EYA4: variants seen among roughly 807,000 people sequenced by gnomAD.
EYA4 encodes protein phosphatase EYA4.
EYA4 carries 31 observed loss-of-function variants against 87.9 expected under a neutral mutation model. That is an observed-to-expected ratio of 0.35 (90% CI 0.27 to 0.48). The LOEUF (loss-of-function observed/expected upper bound fraction) is 0.48, where lower values mean the gene tolerates loss of function less well. EYA4 is among the 20% of genes least tolerant of loss of function. The pLI, the probability that EYA4 is intolerant of heterozygous loss-of-function variation, is 0.99. For synonymous variants in EYA4, 263 were observed against 270.6 expected, an observed-to-expected ratio of 0.97 and a Z score of 0.28; for missense variants, 678 against 761.4, an observed-to-expected ratio of 0.89 and a Z score of 1.29.
intron 1 of EYA4, among the ~76,000 whole-genome samples, chr6:133,254,834 T>C (rs764032154): frequency 6.6e-6 from 1 of 152,192 alleles, no homozygotes; most frequent in Non-Finnish European, 1.5e-5. Context: ...AGTCATTTAC[T>C]CAGAACAAAA....
chr6:133,499,986 C>G (rs913915098), intron 13 of EYA4, among the ~76,000 whole-genome samples: 4 of 151,194 alleles, frequency 2.6e-5, no homozygotes, highest in African/African-American at 9.7e-5. Flanking sequence ...AGTATTTATT[C>G]AAAAGTAACA....
intron 1 of EYA4, among the ~76,000 whole-genome samples, chr6:133,259,623 T>G (rs1190439084): frequency 2.0e-5 from 3 of 152,172 alleles, no homozygotes; most frequent in Admixed American, 6.5e-5. Flanking sequence ...TGTCCCAAAT[T>G]TAAGGAAAGC....
At chr6:133,257,077 T>C (rs1487195801) in intron 1 of EYA4, among the ~76,000 whole-genome samples, 2 of 152,214 alleles carry the variant, frequency 1.3e-5, no homozygotes, top group East Asian at 3.8e-4. Flanking sequence ...ACTCTCTTGC[T>C]AACTTAAGTA....
chr6:133,277,518 AG>A (rs1777275705), intron 2 of EYA4, among the ~76,000 whole-genome samples: 1 of 152,242 alleles, frequency 6.6e-6, no homozygotes, highest in Non-Finnish European at 1.5e-5. Context: ...TGTCTTATGA[AG>A]TGCTTGCATA....
intron 2 of EYA4, among the ~76,000 whole-genome samples, chr6:133,371,947 T>C (rs1467929832): frequency 1.3e-5 from 2 of 152,160 alleles, no homozygotes; most frequent in Non-Finnish European, 2.9e-5. Context: ...GAATGAGACC[T>C]TCACTACAGA....
rs1796361441 is a variant in EYA4, at chr6:133,483,126, A to C, written c.1191+11A>C. 1 of 1,587,892 alleles carries C rather than the reference A, an allele frequency of 6.3e-7. No individual in the cohort carries two copies. The highest frequency in any genetic ancestry group is 1.3e-5 in the African/African-American group (1 of 74,396). On this transcript the variant is annotated intron_variant, in intron 13 of 19. Coordinates refer to ENST00000355286, the MANE Select transcript of EYA4 (RefSeq NM_004100.5). ...CAGAAGTATGGCAAGGTAAGAAATCAAGAAATGTTACTCCAAGAAATCTTG... is the reference window on the plus strand; with the variant it reads ...CAGAAGTATGGCAAGGTAAGAAATCCAGAAATGTTACTCCAAGAAATCTTG...
chr6:133,251,569 CGTT>C (rs1238531327), intron 1 of EYA4, among the ~76,000 whole-genome samples: 2 of 152,126 alleles, frequency 1.3e-5, no homozygotes, highest in African/African-American at 4.8e-5. Flanking sequence ...AAAATGATAA[CGTT>C]GTACCTGAAT....
intron 3 of EYA4, among the ~76,000 whole-genome samples, chr6:133,396,200 A>C (rs939712708): frequency 6.6e-6 from 1 of 152,174 alleles, no homozygotes; most frequent in African/African-American, 2.4e-5. Context: ...GCATTCTGTC[A>C]TGTGATTAAT....
chr6:133,510,637 T>G (rs574615481), intron 14 of EYA4: 1 of 225,364 alleles, frequency 4.4e-6, no homozygotes, highest in South Asian at 5.8e-5. Flanking sequence ...CTGCACTCCT[T>G]TCAGCCAATA....
In EYA4 at chr6:133,530,213, A is replaced by AAT; in HGVS notation, c.*1410_*1411dup. The AAT allele has an allele frequency of 1.0e-6, 1 of 985,436 alleles. No individual in the cohort carries two copies. Among genetic ancestry groups the AAT allele is most frequent in the Non-Finnish European group, 1.2e-6 (1 of 829,922 alleles). 61.0% of individuals were successfully genotyped at this position (985,436 alleles called of 1,614,324 possible). On this transcript the variant is annotated 3_prime_UTR_variant, in exon 20 of 20. Transcript: ENST00000355286. ...AAAATAATACCTGGTTCTCCATCTG[A>AAT]ATACATCAATGCAGGTTCTCCTCGT...
rs1786294637 is a variant in EYA4, at chr6:133,382,364, G to A, written c.34-28G>A. The A allele has an allele frequency of 3.3e-6, 5 of 1,533,350 alleles. No individual in the cohort carries two copies. In the African/African-American group the frequency reaches 4.1e-5, roughly 13 times the overall value. 95.0% of individuals were successfully genotyped at this position (1,533,350 alleles called of 1,614,324 possible). On this transcript the variant is annotated intron_variant, in intron 2 of 19. Transcript: ENST00000355286. ...GAGTGAGGAAGTTGTATTTTCATATGAGAATAACTAGTACTCTTTTCTTAC... is the reference window on the plus strand; with the variant it reads ...GAGTGAGGAAGTTGTATTTTCATATAAGAATAACTAGTACTCTTTTCTTAC...
intron 1 of EYA4, among the ~76,000 whole-genome samples, chr6:133,245,994 T>A (rs919881328): frequency 4.6e-5 from 7 of 152,236 alleles, no homozygotes; most frequent in African/African-American, 1.7e-4. Context: ...AACACTACTA[T>A]TCTTACTCCC....
chr6:133,393,542 C>T (rs1017892115), intron 3 of EYA4, among the ~76,000 whole-genome samples: 3 of 152,122 alleles, frequency 2.0e-5, no homozygotes, highest in Non-Finnish European at 4.4e-5. Context: ...TGGAAGTACA[C>T]TCCCTTCAGT....
intron 11 of EYA4, among the ~76,000 whole-genome samples, chr6:133,475,280 G>A (rs1442805182): frequency 6.6e-6 from 1 of 151,908 alleles, no homozygotes; most frequent in Non-Finnish European, 1.5e-5. Context: ...TTTTTTATTT[G>A]TATTAAGAAA....
chr6:133,339,585 G>A (rs1782632713), intron 2 of EYA4, among the ~76,000 whole-genome samples: 1 of 152,214 alleles, frequency 6.6e-6, no homozygotes, highest in South Asian at 2.1e-4. Context: ...TTGCTTATTG[G>A]AAAAATTAGG....
chr6:133,419,005 T>C (rs1489583321), intron 3 of EYA4, among the ~76,000 whole-genome samples: 1 of 152,216 alleles, frequency 6.6e-6, no homozygotes, highest in Non-Finnish European at 1.5e-5. Context: ...TAATATCCAC[T>C]CATAGGACAT....
intron 2 of EYA4, among the ~76,000 whole-genome samples, chr6:133,378,839 A>C (rs1348360435): frequency 1.3e-5 from 2 of 150,732 alleles, no homozygotes; most frequent in Non-Finnish European, 3.0e-5. Flanking sequence ...TATTTTTATA[A>C]TTTCTCTGAA....
intron 19 of EYA4, among the ~76,000 whole-genome samples, chr6:133,527,707 A>G (rs1800748035): frequency 6.6e-6 from 1 of 152,198 alleles, no homozygotes; most frequent in Non-Finnish European, 1.5e-5. Flanking sequence ...GTGTGCAGCA[A>G]GGAATTATAT....
At chr6:133,395,699 T>G (rs753810781) in intron 3 of EYA4, among the ~76,000 whole-genome samples, 2 of 152,184 alleles carry the variant, frequency 1.3e-5, no homozygotes, top group Non-Finnish European at 2.9e-5. Flanking sequence ...AGGTGGAGGT[T>G]GCAGTGAGCC....
Sources: allele counts gnomAD v4.1 joint callset (sites outside exome capture counted in the v4.1 genomes callset), GRCh38; gene constraint gnomAD v4.1.1; transcripts MANE v1.5; gene names NCBI Gene and HGNC (gene_info 2026-07-23, HGNC 2026-07-21).